PIK3CD: variants seen among roughly 807,000 people sequenced by gnomAD.
The protein encoded by PIK3CD is phosphatidylinositol 4,5-bisphosphate 3-kinase catalytic subunit delta isoform.
PIK3CD carries 20 observed loss-of-function variants against 122.9 expected under a neutral mutation model. That is an observed-to-expected ratio of 0.16 (90% CI 0.11 to 0.24). The LOEUF (loss-of-function observed/expected upper bound fraction) is 0.24, where lower values mean the gene tolerates loss of function less well. Ranked by LOEUF, PIK3CD falls within the 10% of genes least tolerant of loss-of-function variation. The pLI, the probability that PIK3CD is intolerant of heterozygous loss-of-function variation, is 1.00. For synonymous variants in PIK3CD, 596 were observed against 593.4 expected, an observed-to-expected ratio of 1.00 and a Z score of -0.06; for missense variants, 787 against 1,406.3, an observed-to-expected ratio of 0.56 and a Z score of 7.04.
upstream of PIK3CD, among the ~76,000 whole-genome samples, chr1:9,649,327 C>T (rs1016501391): frequency 6.6e-6 from 1 of 151,908 alleles, no homozygotes; most frequent in Admixed American, 6.6e-5. Flanking sequence ...ACCTCCAGGG[C>T]TCAGGTGATC....
chr1:9,650,205 T>C (rs970171255), upstream of PIK3CD, among the ~76,000 whole-genome samples: 1 of 151,968 alleles, frequency 6.6e-6, no homozygotes, highest in African/African-American at 2.4e-5. Context: ...GGGTGGATCA[T>C]GAGGTCAGGA....
intron 1 of PIK3CD, among the ~76,000 whole-genome samples, chr1:9,665,715 T>G (rs918037308): frequency 1.3e-5 from 2 of 152,110 alleles, no homozygotes; most frequent in African/African-American, 2.4e-5. Context: ...TCTTTCTGTT[T>G]AAACATTTCA....
chr1:9,634,863 A>G, the PIK3CD span, among the ~76,000 whole-genome samples: 1 of 152,202 alleles, frequency 6.6e-6, no homozygotes, highest in Non-Finnish European at 1.5e-5. Context: ...GAGAGTTTAT[A>G]CTGAGCTGAC....
At chr1:9,632,367 G>A in the PIK3CD span, among the ~76,000 whole-genome samples, 1 of 152,046 alleles carries the variant, frequency 6.6e-6, no homozygotes, top group Admixed American at 6.6e-5. Flanking sequence ...AGGTTGGAGT[G>A]CAGTGGCTAT....
intron 1 of PIK3CD, among the ~76,000 whole-genome samples, chr1:9,684,141 A>G (rs1370106798): frequency 6.6e-6 from 1 of 152,114 alleles, no homozygotes; most frequent in Non-Finnish European, 1.5e-5. Flanking sequence ...GGCAGTCACA[A>G]GCCCACTAGA....
intron 1 of PIK3CD, among the ~76,000 whole-genome samples, chr1:9,663,118 G>A (rs1403854020): frequency 1.3e-5 from 2 of 152,158 alleles, no homozygotes; most frequent in African/African-American, 2.4e-5. Flanking sequence ...AACCCACACG[G>A]TGTCTTCTGT....
chr1:9,721,945 C>T, intron 16 of PIK3CD, 30 bp from the exon 17 acceptor site: 1 of 1,612,972 alleles, frequency 6.2e-7, no homozygotes, highest in African/African-American at 1.3e-5. Context: ...CTGGGACCTG[C>T]CCACCGCCGC....
chr1:9,682,077 C>T (rs1284569692), intron 1 of PIK3CD, among the ~76,000 whole-genome samples: 1 of 152,042 alleles, frequency 6.6e-6, no homozygotes, highest in Non-Finnish European at 1.5e-5. Context: ...GGACTACCAC[C>T]ACGCCTGGCT....
Position 9,681,778 on chromosome 1 carries a change from G to T in PIK3CD, c.-137-9689G>T, listed in dbSNP as rs529484637. On this transcript the variant is annotated intron_variant, in intron 1 of 23. Coordinates refer to ENST00000377346, the MANE Select transcript of PIK3CD (RefSeq NM_005026.5). ...TGTGCCATATTCTTTAGGTCACATT[G>T]ACTGTGAATGTGGGTGGGGGCTACA... 3.0e-4 allele frequency among the ~76,000 whole-genome samples: 45 copies of T among 152,304 alleles called. No homozygotes were observed. In the South Asian group the frequency reaches 9.1e-3, roughly 31 times the overall value.
In PIK3CD at chr1:9,717,439, C is replaced by T. The variant is rs1300492644; in HGVS notation, c.931-98C>T. 1.5e-5 allele frequency: 18 copies of T among 1,208,060 alleles called. No homozygotes were observed. Among genetic ancestry groups the T allele is most frequent in the Non-Finnish European group, 2.2e-5 (18 of 814,808 alleles). The allele number at this position is 1,208,060 out of a possible 1,614,324, so 74.8% of individuals were successfully genotyped here. A position where few individuals can be genotyped will look rare whatever the true frequency, so the allele number is the denominator to read the frequency against. ...CAAACCTGGCCGCAAACCTGTGACC[C>T]TCTCACCCGCCCCCAAGTGGTCACG... On this transcript the variant is annotated intron_variant, in intron 7 of 23. Coordinates refer to ENST00000377346, the MANE Select transcript of PIK3CD (RefSeq NM_005026.5). The surrounding 1 kb of genome is among the most constrained non-coding windows in gnomAD (Gnocchi z 5.4).
At chr1:9,635,577 T>C in the PIK3CD span, among the ~76,000 whole-genome samples, 1 of 152,214 alleles carries the variant, frequency 6.6e-6, no homozygotes, top group South Asian at 2.1e-4. Flanking sequence ...GGTCAGGTGA[T>C]ACCCCTGGTC....
At chr1:9,694,533 C>T (rs1172034311) in intron 2 of PIK3CD, among the ~76,000 whole-genome samples, 1 of 152,138 alleles carries the variant, frequency 6.6e-6, no homozygotes, top group Non-Finnish European at 1.5e-5. Flanking sequence ...GACTCCGTCT[C>T]AAAAAATAAA....
chr1:9,681,910 G>T (rs1176132627), intron 1 of PIK3CD, among the ~76,000 whole-genome samples: 1 of 152,210 alleles, frequency 6.6e-6, no homozygotes. Context: ...TAGCTTTGGA[G>T]AATGAGCCAG....
At chr1:9,688,228 C>T (rs538331999) in intron 1 of PIK3CD, 2 of 152,478 alleles carry the variant, frequency 1.3e-5, no homozygotes, top group East Asian at 3.9e-4. Context: ...GTTCTTCAAA[C>T]CACCTTCTAC....
the PIK3CD span, among the ~76,000 whole-genome samples, chr1:9,630,739 T>TGCGCGC: frequency 1.3e-5 from 2 of 150,852 alleles, no homozygotes; most frequent in East Asian, 2.0e-4. Flanking sequence ...TGTGTGTGTG[T>TGCGCGC]GCAGAAGAGG....
At chr1:9,726,433 T>C (rs2101034962) in intron 23 of PIK3CD, among the ~76,000 whole-genome samples, 1 of 152,168 alleles carries the variant, frequency 6.6e-6, no homozygotes, top group Admixed American at 6.5e-5. Context: ...CACTTGAACC[T>C]GGGAGGCGGA....
intron 1 of PIK3CD, among the ~76,000 whole-genome samples, chr1:9,656,806 G>T (rs1384795314): frequency 1.3e-5 from 2 of 152,076 alleles, no homozygotes; most frequent in African/African-American, 4.8e-5. Flanking sequence ...AGCCAGGCGT[G>T]GTGGCACGTG....
intron 1 of PIK3CD, among the ~76,000 whole-genome samples, chr1:9,679,575 G>A (rs1426555576): frequency 2.0e-5 from 3 of 151,526 alleles, no homozygotes; most frequent in Admixed American, 6.6e-5. Flanking sequence ...CCCATGTCCT[G>A]TTTCTCAGGC....
At chr1:9,649,751 A>G (rs1644638741), upstream of PIK3CD, among the ~76,000 whole-genome samples, 1 of 152,114 alleles carries the variant, frequency 6.6e-6, no homozygotes, top group African/African-American at 2.4e-5. Flanking sequence ...CCTTCACCCT[A>G]TCCTGGGAGG....
Sources: allele counts gnomAD v4.1 joint callset (sites outside exome capture counted in the v4.1 genomes callset), GRCh38; gene constraint gnomAD v4.1.1; non-coding constraint Gnocchi (gnomAD v3.1); transcripts MANE v1.5; gene names NCBI Gene and HGNC (gene_info 2026-07-23, HGNC 2026-07-21).